The following CDCP2 variants were observed in gnomAD, a reference collection of about 807,000 sequenced individuals.
CDCP2 encodes CUB domain containing protein 2.
CDCP2 carries 31 observed loss-of-function variants against 31.0 expected under a neutral mutation model. The observed-to-expected ratio is 1.00, with a 90% confidence interval of 0.75 to 1.35. The LOEUF is 1.35. Among genes scored for constraint, CDCP2 ranks in the 40% most tolerant of loss-of-function variants. The pLI, the probability that CDCP2 is intolerant of heterozygous loss-of-function variation, is 0.00. For missense variants in CDCP2, 443 were observed against 482.6 expected (o/e 0.92, Z 0.77); for synonymous variants, 206 against 207.9 (o/e 0.99, Z 0.08).
At chr1:54,148,855 A>AC (rs1570071598) in intron 1 of CDCP2, among the ~76,000 whole-genome samples, 1 of 151,310 alleles carries the variant, frequency 6.6e-6, no homozygotes, top group East Asian at 1.9e-4. Context: ...ACATAGTGAG[A>AC]CCCTGTCTCT....
chr1:54,132,948 C>T, downstream of CDCP2: 1 of 398,752 alleles, frequency 2.5e-6, no homozygotes, highest in Non-Finnish European at 4.4e-6. Context: ...TGTCAGATGC[C>T]AGGTCCCTAT....
At chr1:54,145,385 C>T (rs886919822) in intron 1 of CDCP2, among the ~76,000 whole-genome samples, 3 of 151,962 alleles carry the variant, frequency 2.0e-5, no homozygotes, top group Admixed American at 6.5e-5. Flanking sequence ...AAGATCATGC[C>T]GCTGCACTCC....
exon 5 of CDCP2, chr1:54,136,722 C>A (rs1033662170): frequency 2.5e-6 from 1 of 399,188 alleles, no homozygotes; most frequent in Non-Finnish European, 4.4e-6. Context: ...CCCAGGTAGA[C>A]CTTGGTCCGC....
At chr1:54,150,511 C>T (rs999551981) in intron 1 of CDCP2, among the ~76,000 whole-genome samples, 2 of 152,148 alleles carry the variant, frequency 1.3e-5, no homozygotes, top group East Asian at 1.9e-4. Context: ...AGGAGAATTG[C>T]TTGAACCCGG....
intron 5 of CDCP2, among the ~76,000 whole-genome samples, chr1:54,135,871 G>A (rs1659250998): frequency 6.6e-6 from 1 of 152,286 alleles, no homozygotes; most frequent in Admixed American, 6.5e-5. Context: ...TGCTAAGTCA[G>A]ACTGCAAAGC....
intron 5 of CDCP2, among the ~76,000 whole-genome samples, chr1:54,135,592 C>T (rs1228945202): frequency 6.6e-6 from 1 of 152,254 alleles, no homozygotes; most frequent in East Asian, 1.9e-4. Context: ...CCCTGCTTCT[C>T]GGATTCTTTG....
chr1:54,141,147 C>A (rs766425088), exon 3 of CDCP2: 2 of 1,553,124 alleles, frequency 1.3e-6, no homozygotes, highest in Non-Finnish European at 1.7e-6. Flanking sequence ...TGAAGTCGGA[C>A]TTGAAGACCA....
exon 3 of CDCP2, chr1:54,141,300 G>C (rs759622716): frequency 1.2e-6 from 2 of 1,614,236 alleles, no homozygotes; most frequent in Non-Finnish European, 1.7e-6. Flanking sequence ...GGAAGTCCAC[G>C]AACACCAGCT....
chr1:54,151,617 G>C (rs935157336), intron 1 of CDCP2, among the ~76,000 whole-genome samples: 1 of 152,176 alleles, frequency 6.6e-6, no homozygotes, highest in South Asian at 2.1e-4. Context: ...CCCAGGCATG[G>C]GTTGAGATGC....
chr1:54,140,362 T>C, intron 3 of CDCP2: 1 of 546,384 alleles, frequency 1.8e-6, no homozygotes, highest in Admixed American at 3.1e-5. Flanking sequence ...TTCACAGGTG[T>C]AGGCCCTGTT....
intron 4 of CDCP2, chr1:54,139,427 T>C (rs975321531): frequency 8.5e-5 from 85 of 1,005,730 alleles, no homozygotes; most frequent in Non-Finnish European, 1.2e-4. Flanking sequence ...ATTTTGTCTA[T>C]TTCCCCTGGA....
chr1:54,150,312 C>T (rs1280594519), intron 1 of CDCP2, among the ~76,000 whole-genome samples: 3 of 152,256 alleles, frequency 2.0e-5, no homozygotes, highest in African/African-American at 2.4e-5. Flanking sequence ...AAATTATTAA[C>T]GGCCAGGCGT....
chr1:54,148,531 G>GA (rs5774178), intron 1 of CDCP2, among the ~76,000 whole-genome samples: 42 of 145,498 alleles, frequency 2.9e-4, no homozygotes, highest in South Asian at 8.7e-4. Context: ...ATCTCTTCTT[G>GA]AAAAAAAAAA....
intron 4 of CDCP2, 66 bp from the exon 5 acceptor site, chr1:54,136,874 C>A (rs1037246407): frequency 1.0e-5 from 4 of 399,010 alleles, no homozygotes; most frequent in Admixed American, 4.4e-5. Context: ...CTCCCCAACA[C>A]CCCCTACCCT....
chr1:54,144,606 G>A (rs754843606), exon 2 of CDCP2: 2 of 1,614,206 alleles, frequency 1.2e-6, no homozygotes, highest in Admixed American at 3.3e-5. Context: ...GCCCTTGTCT[G>A]GTGAGGCCCC....
At chr1:54,148,962 G>GT (rs1048424084) in intron 1 of CDCP2, among the ~76,000 whole-genome samples, 5 of 138,400 alleles carry the variant, frequency 3.6e-5, no homozygotes, top group Non-Finnish European at 7.7e-5. Context: ...CAAATGAATT[G>GT]TTTAAAAAAA....
In CDCP2 at chr1:54,152,461, C is replaced by CAA. The variant is rs11420931; in HGVS notation, c.79+381_79+382dup. 8.3e-3 allele frequency among the ~76,000 whole-genome samples: 1,181 copies of CAA among 142,916 alleles called. 12 individuals carry two copies. The highest frequency in any genetic ancestry group is 0.025 in the African/African-American group (952 of 38,112). 93.8% of individuals were successfully genotyped at this position (142,916 alleles called of 152,430 possible). A position where few individuals can be genotyped will look rare whatever the true frequency, so the allele number is the denominator to read the frequency against. ...CCTGGGCGACAGGGCAAGACTGTCT[C>CAA]AAAAAAAAAAAAAGACTCTTTAGCA... On this transcript the variant is annotated intron_variant, in intron 1 of 5. Coordinates refer to ENST00000530059, the Ensembl canonical transcript of CDCP2.
intron 1 of CDCP2, among the ~76,000 whole-genome samples, chr1:54,148,250 A>G (rs1659509912): frequency 6.7e-6 from 1 of 149,254 alleles, no homozygotes; most frequent in Admixed American, 6.7e-5. Context: ...ATAATTAAAA[A>G]TATATAGCCA....
chr1:54,136,842 G>A (rs937759765), intron 4 of CDCP2, 34 bp from the exon 5 acceptor site: 6 of 399,062 alleles, frequency 1.5e-5, no homozygotes, highest in African/African-American at 2.1e-5. Context: ...GAAGCCTTAG[G>A]GTCAGGCGGT....
Sources: gnomAD v4.1 joint callset for allele counts (sites outside exome capture counted in the v4.1 genomes callset) on GRCh38, gnomAD v4.1.1 for gene constraint, MANE v1.5 for transcripts, NCBI Gene and HGNC (gene_info 2026-07-23, HGNC 2026-07-21) for gene names.